Variants in PIP5K1C observed in about 807,000 individuals in gnomAD.
PIP5K1C encodes the protein phosphatidylinositol-4-phosphate 5-kinase type 1 gamma, also known as phosphatidylinositol 4-phosphate 5-kinase type-1 gamma.
Under a neutral mutation model 80.1 loss-of-function variants are expected in PIP5K1C, and 45 were observed. That is an observed-to-expected ratio of 0.56 (90% confidence interval 0.44 to 0.72). The LOEUF is 0.72. PIP5K1C is among the 30% of genes least tolerant of loss of function. PIP5K1C has a pLI of 0.00. For synonymous variants in PIP5K1C, 498 were observed against 420.1 expected (o/e 1.19, Z -2.27); for missense variants, 753 against 954.6 (o/e 0.79, Z 2.78).
In PIP5K1C at chr19:3,670,612, G is replaced by T. The variant is rs371074457; in HGVS notation, c.95-3259C>A. Among the ~76,000 whole-genome samples the T allele has an allele frequency of 3.3e-5, 5 of 152,358 alleles. No homozygotes were observed. The East Asian group carries it at 9.7e-4, about 29-fold the overall frequency. On this transcript the variant is annotated intron_variant, in intron 1 of 17. Coordinates refer to ENST00000335312, the MANE Select transcript of PIP5K1C (RefSeq NM_012398.3). ...GCTGCTCCAAGCCCCCCAGTCCCGG[G>T]GACTTTGTCTGGGCAGCCCAGGACC...
chr19:3,676,113 C>T (rs992475842), intron 1 of PIP5K1C, among the ~76,000 whole-genome samples: 1 of 152,210 alleles, frequency 6.6e-6, no homozygotes, highest in Non-Finnish European at 1.5e-5. Flanking sequence ...TGGAAGGATT[C>T]TGACACCGCT....
chr19:3,634,825 CCT>C (rs1035717460), intron 16 of PIP5K1C, among the ~76,000 whole-genome samples: 1 of 152,396 alleles, frequency 6.6e-6, no homozygotes, highest in Non-Finnish European at 1.5e-5. Context: ...CCACAAGACC[CCT>C]GTTCCCGGGC....
At chr19:3,683,391 T>G (rs1477052192) in intron 1 of PIP5K1C, among the ~76,000 whole-genome samples, 1 of 152,084 alleles carries the variant, frequency 6.6e-6, no homozygotes, top group East Asian at 1.9e-4. Context: ...GCAGGCTGCT[T>G]CCCGTCTCTA....
chr19:3,655,316 G>A (rs1429394046), intron 6 of PIP5K1C, among the ~76,000 whole-genome samples: 1 of 151,750 alleles, frequency 6.6e-6, no homozygotes, highest in Non-Finnish European at 1.5e-5. Flanking sequence ...TACTCGGGAG[G>A]CTGAGGCAGG....
chr19:3,660,987 C>T lies in PIP5K1C; in HGVS notation c.447G>A (p.Gly149=), dbSNP rs1568334078. 1 of 1,613,610 alleles carries T rather than the reference C, an allele frequency of 6.2e-7. No individual in the cohort carries two copies. Among genetic ancestry groups the T allele is most frequent in the Non-Finnish European group, 8.5e-7 (1 of 1,179,638 alleles). Residue 149 remains glycine (G), a synonymous_variant, in exon 5 of 18, where the codon GGG becomes GGA. Coordinates refer to ENST00000335312, the MANE Select transcript of PIP5K1C (RefSeq NM_012398.3). The part of the protein sequence containing the change: ...VAFRYFRELF[G]IRPDDYLYSL... ...TTACCAAGTAATCATCTGGCCGGATCCCAAAGAGCTCCCGGAAGTAGCGGA... is the reference window on the plus strand; with the variant it reads ...TTACCAAGTAATCATCTGGCCGGATTCCAAAGAGCTCCCGGAAGTAGCGGA...
chr19:3,653,705 C>T, intron 6 of PIP5K1C, 116 bp from the exon 7 acceptor site: 2 of 994,100 alleles, frequency 2.0e-6, no homozygotes, highest in Non-Finnish European at 2.9e-6. Context: ...GCCCCCCTCT[C>T]TCCCCAGAAG....
At chr19:3,643,141 C>G in intron 13 of PIP5K1C, 102 bp downstream of exon 13, 3 of 1,570,892 alleles carry the variant, frequency 1.9e-6, no homozygotes, top group Non-Finnish European at 2.6e-6. Flanking sequence ...ATACGATGCT[C>G]CACCCACATG....
intron 15 of PIP5K1C, 24 bp from the exon 16 acceptor site, chr19:3,639,040 G>T: frequency 6.2e-7 from 1 of 1,607,724 alleles, no homozygotes; most frequent in Non-Finnish European, 8.5e-7. Context: ...TAGACAGAGG[G>T]TCTTGACCCT....
chr19:3,666,433 A>G (rs1431522149), intron 2 of PIP5K1C, among the ~76,000 whole-genome samples: 2 of 152,266 alleles, frequency 1.3e-5, no homozygotes, highest in African/African-American at 4.8e-5. Context: ...ACGGGCAGCA[A>G]TGACAGGACC....
At chr19:3,647,547 G>GT (rs1351630763) in intron 9 of PIP5K1C, among the ~76,000 whole-genome samples, 161 bp from the exon 10 acceptor site, 5 of 152,190 alleles carry the variant, frequency 3.3e-5, no homozygotes, top group African/African-American at 1.2e-4. Flanking sequence ...CAGGGAGTGG[G>GT]TGGAGGCTCT....
intron 14 of PIP5K1C, among the ~76,000 whole-genome samples, chr19:3,642,162 G>A (rs567748030): frequency 6.6e-6 from 1 of 152,352 alleles, no homozygotes; most frequent in African/African-American, 2.4e-5. Flanking sequence ...GCCTGGCCAT[G>A]TAACATGTCT....
chr19:3,696,730 G>A lies in PIP5K1C; in HGVS notation c.94+3567C>T, dbSNP rs1436314747. Among the ~76,000 whole-genome samples the A allele has an allele frequency of 1.0e-5, 1 of 99,100 alleles. No individual in the cohort carries two copies. The highest frequency in any genetic ancestry group is 1.9e-5 in the Non-Finnish European group (1 of 52,522). 65.0% of individuals were successfully genotyped at this position (99,100 alleles called of 152,430 possible). A position where few individuals can be genotyped will look rare whatever the true frequency, so the allele number is the denominator to read the frequency against. ...GACGGGAGGGCAGGGAGGGCAGAGTGCGGAGGGGAGGGCAGGGAGGGCAGG... is the reference window on the plus strand; with the variant it reads ...GACGGGAGGGCAGGGAGGGCAGAGTACGGAGGGGAGGGCAGGGAGGGCAGG... On this transcript the variant is annotated intron_variant, in intron 1 of 17. Transcript: ENST00000335312. The surrounding 1 kb of genome is among the most constrained non-coding windows in gnomAD (Gnocchi z 4.1).
At chr19:3,691,463 C>T (rs558176706) in intron 1 of PIP5K1C, among the ~76,000 whole-genome samples, 1 of 152,170 alleles carries the variant, frequency 6.6e-6, no homozygotes, top group Admixed American at 6.5e-5. Flanking sequence ...CAAACTCTCA[C>T]GCGCCACGCC....
chr19:3,694,053 A>T lies in PIP5K1C; in HGVS notation c.94+6244T>A, dbSNP rs1408916848. On this transcript the variant is annotated intron_variant, in intron 1 of 17. Transcript: ENST00000335312. ...CGGTGAAACCCTGTCTCTACTAAAA[A>T]TACAAAACATTAGCCGGGCGTAGTG... Among the ~76,000 whole-genome samples the T allele has an allele frequency of 2.0e-5, 3 of 152,018 alleles. No individual in the cohort carries two copies. In the East Asian group the frequency reaches 5.8e-4, roughly 29 times the overall value.
chr19:3,646,988 A>C (rs1235912834), intron 10 of PIP5K1C, among the ~76,000 whole-genome samples: 4 of 71,340 alleles, frequency 5.6e-5, no homozygotes, highest in Non-Finnish European at 8.1e-5. Context: ...CACAGGGAGG[A>C]AGGATGGGAG....
At position 3,641,836 on chromosome 19, in the gene PIP5K1C, G is replaced by C. The variant is rs745945938; in HGVS notation, c.1683-27C>G. 12 of 1,578,596 alleles carry C rather than the reference G, an allele frequency of 7.6e-6. No homozygotes were observed. In the South Asian group the frequency reaches 7.8e-5, roughly 10 times the overall value. On this transcript the variant is annotated intron_variant, in intron 14 of 17. Coordinates refer to ENST00000335312, the MANE Select transcript of PIP5K1C (RefSeq NM_012398.3). ...TGCAGGCAATGGGAGGTTGTGCCTC[G>C]GTTTCCCTCCTCACTTCCCCCATCC...
At chr19:3,695,914 A>G (rs1451965117) in intron 1 of PIP5K1C, among the ~76,000 whole-genome samples, 1 of 151,794 alleles carries the variant, frequency 6.6e-6, no homozygotes. Flanking sequence ...TTTTTAGTAG[A>G]GACAGGGGTC....
At chr19:3,663,363 G>A (rs1247350720) in intron 3 of PIP5K1C, among the ~76,000 whole-genome samples, 4 of 152,160 alleles carry the variant, frequency 2.6e-5, no homozygotes, top group Non-Finnish European at 4.4e-5. Flanking sequence ...GCCCAGTTTC[G>A]GCCTGTCTCC....
rs767490589 is a variant in PIP5K1C, at chr19:3,661,724, G to A, written c.350+147C>T. The A allele has an allele frequency of 7.9e-5, 70 of 888,906 alleles. 2 individuals are homozygous for A. Among genetic ancestry groups the A allele is most frequent in the South Asian group, 6.8e-4 (49 of 72,124 alleles). The allele number at this position is 888,906 out of a possible 1,614,324, so 55.1% of individuals were successfully genotyped here. A position where few individuals can be genotyped will look rare whatever the true frequency, so the allele number is the denominator to read the frequency against. ...TTCAGCAGCAAACAAACGTCCTGACGGACAGAGGGCCAGAGCTCAAGGCCA... is the reference window on the plus strand; with the variant it reads ...TTCAGCAGCAAACAAACGTCCTGACAGACAGAGGGCCAGAGCTCAAGGCCA... On this transcript the variant is annotated intron_variant, in intron 4 of 17. Coordinates refer to ENST00000335312, the MANE Select transcript of PIP5K1C (RefSeq NM_012398.3).
Sources: allele counts gnomAD v4.1 joint callset (sites outside exome capture counted in the v4.1 genomes callset), GRCh38; gene constraint gnomAD v4.1.1; non-coding constraint Gnocchi (gnomAD v3.1); transcripts MANE v1.5; gene names NCBI Gene and HGNC (gene_info 2026-07-23, HGNC 2026-07-21).